The following RPL3L variants were observed in gnomAD, a reference collection of about 807,000 sequenced individuals.
RPL3L encodes the protein ribosomal protein uL3-like.
A neutral mutation model predicts 44.5 loss-of-function variants in RPL3L; 44 were observed. That is an observed-to-expected ratio of 0.99 (90% CI 0.78 to 1.27). RPL3L has a LOEUF of 1.27. Ranked by LOEUF, RPL3L falls within the 50% of genes most tolerant of loss-of-function variation. RPL3L has a pLI of 0.00. For missense variants in RPL3L, 631 were observed against 569.1 expected, an observed-to-expected ratio of 1.11 and a Z score of -1.11; for synonymous variants, 292 against 230.7, an observed-to-expected ratio of 1.27 and a Z score of -2.41.
In RPL3L at chr16:1,947,391, T is replaced by C. The variant is rs781172532; in HGVS notation, c.502-11A>G. On this transcript the variant is annotated splice_polypyrimidine_tract_variant and intron_variant, in intron 4 of 9. Coordinates refer to ENST00000268661, the MANE Select transcript of RPL3L (RefSeq NM_005061.3). ...GGGCAGCAGTTTCATCTGCAGGACA[T>C]GGCCGGAGGTCACGCCACGGCCCAC... 5 of 1,556,520 alleles carry C rather than the reference T, an allele frequency of 3.2e-6. No homozygotes were observed. The South Asian group carries it at 4.7e-5, about 15-fold the overall frequency.
intron 8 of RPL3L, 108 bp downstream of exon 8, chr16:1,945,727 C>T: frequency 4.4e-6 from 7 of 1,601,606 alleles, no homozygotes; most frequent in Non-Finnish European, 6.0e-6. Context: ...CCTACCAGAG[C>T]CCTCCCCTTC....
At chr16:1,950,533 C>T (rs774926090) in intron 4 of RPL3L, among the ~76,000 whole-genome samples, 2 of 152,116 alleles carry the variant, frequency 1.3e-5, no homozygotes, top group South Asian at 2.1e-4. Context: ...TGCACACTTA[C>T]GCTGGAAACC....
Position 1,944,909 on chromosome 16 carries a change from G to T in RPL3L, c.1168-16C>A, listed in dbSNP as rs771731528. The T allele has an allele frequency of 6.2e-7, 1 of 1,605,404 alleles. No homozygotes were observed. The highest frequency in any genetic ancestry group is 8.5e-7 in the Non-Finnish European group (1 of 1,178,432). On this transcript the variant is annotated splice_polypyrimidine_tract_variant and intron_variant, in intron 9 of 9. Transcript: ENST00000268661. The stretch of plus-strand genomic sequence containing the variant: ...TTTGGGGGCCCTGGTTGAGAGGGTG[G>T]TGCAGGAGGAGCCTTAGTCACTCTG...
Position 1,953,965 on chromosome 16 carries a change from G to C in RPL3L, c.187C>G (p.Pro63Ala), listed in dbSNP as rs1030148398. 6 of 1,538,396 alleles carry C rather than the reference G, an allele frequency of 3.9e-6. No homozygotes were observed. Among genetic ancestry groups the C allele is most frequent in the Non-Finnish European group, 5.3e-6 (6 of 1,136,818 alleles). Residue 63 changes from proline to alanine, a missense_variant, in exon 2 of 10, where the codon CCG (proline) becomes GCG (alanine). Pro to Ala is a conservative substitution (Grantham distance 27). Transcript: ENST00000268661. Reference protein sequence around the residue: ...MTHTLREVHRPGLKISKREEV... With the variant: ...MTHTLREVHRAGLKISKREEV... ...CCCAACTGTGACTCACTGAGCCCCG[G>C]CCGGTGCACCTCCCGCAGGGTGTGG...
chr16:1,949,897 T>G (rs1405090886), intron 4 of RPL3L, among the ~76,000 whole-genome samples: 1 of 11,140 alleles, frequency 9.0e-5, no homozygotes, highest in Non-Finnish European at 1.5e-4. Flanking sequence ...GGCAGGTATG[T>G]AGGGGGCAGG....
chr16:1,950,945 A>G lies in RPL3L; in HGVS notation c.400T>C (p.Cys134Arg). ...KSKKKAFTKA[C>R]KRWRDTDGKK... ...CCGTCTGTGTCCCGCCACCTCTTGC[A>G]GGCCTTGGTGAAGGCTTTCTTCTTG... The change falls in exon 4 of 10, where the codon TGC becomes CGC. Residue 134 changes from cysteine to arginine, a missense_variant. Cys to Arg is a radical substitution (Grantham distance 180, BLOSUM62 -3). Transcript: ENST00000268661. The G allele has an allele frequency of 1.2e-6, 2 of 1,613,916 alleles. No homozygotes were observed. Among genetic ancestry groups the G allele is most frequent in the South Asian group, 1.1e-5 (1 of 91,086 alleles).
intron 4 of RPL3L, among the ~76,000 whole-genome samples, chr16:1,948,708 T>G (rs1458200763): frequency 7.1e-6 from 1 of 140,214 alleles, no homozygotes; most frequent in East Asian, 2.0e-4. Context: ...TTGTTTTTTT[T>G]TTGTTTGTTT....
chr16:1,954,635 G>C lies in RPL3L; in HGVS notation c.-4C>G. ...TCACCCTGGTCCCACCAACCATGGT[G>C]GCCGATCCCTGAAGGTCAGGAAGGG... On this transcript the variant is annotated 5_prime_UTR_variant, in exon 1 of 10. Coordinates refer to ENST00000268661, the MANE Select transcript of RPL3L (RefSeq NM_005061.3). The C allele has an allele frequency of 3.9e-6, 6 of 1,549,576 alleles. No homozygotes were observed. Among genetic ancestry groups the C allele is most frequent in the Non-Finnish European group, 5.2e-6 (6 of 1,148,594 alleles).
chr16:1,954,191 G>C (rs1269184204), intron 1 of RPL3L, 43 bp from the exon 2 acceptor site: 2 of 1,494,746 alleles, frequency 1.3e-6, no homozygotes, highest in African/African-American at 1.4e-5. Flanking sequence ...GGGTGTCCCT[G>C]GTGGTAGAGC....
At position 1,954,122 on chromosome 16, in the gene RPL3L, C is replaced by A; in HGVS notation, c.30G>T (p.Arg10=). 2 of 1,594,068 alleles carry A rather than the reference C, an allele frequency of 1.3e-6. No individual in the cohort carries two copies. Among genetic ancestry groups the A allele is most frequent in the Non-Finnish European group, 8.5e-7 (1 of 1,171,014 alleles). The change falls in exon 2 of 10, where the codon CGG becomes CGT. Residue 10 remains arginine, a synonymous_variant. Coordinates refer to ENST00000268661, the MANE Select transcript of RPL3L (RefSeq NM_005061.3). ...GGGGCAGGAAGCCCAGGTGTCCGTG[C>A]CGAGGGGCGGAAAACTTCCGGTGGG... MSHRKFSAP[R]HGHLGFLPHK... is the part of the protein sequence containing the mutation.
chr16:1,952,890 G>C lies in RPL3L; in HGVS notation c.349C>G (p.Arg117Gly). The C allele has an allele frequency of 6.2e-7, 1 of 1,613,850 alleles. No homozygotes were observed. Among genetic ancestry groups the C allele is most frequent in the East Asian group, 2.2e-5 (1 of 44,864 alleles). Residue 117 changes from arginine to glycine, a missense_variant, in exon 3 of 10, where the codon CGA becomes GGA. Arg to Gly is a moderately radical substitution (Grantham distance 125). Coordinates refer to ENST00000268661, the MANE Select transcript of RPL3L (RefSeq NM_005061.3). ...GGTGCTCACCAGTCCTTGTAGAATCGGCGCCGGCACTCATCACTGAGGTGT... is the reference window on the plus strand; with the variant it reads ...GGTGCTCACCAGTCCTTGTAGAATCCGCGCCGGCACTCATCACTGAGGTGT... ...AEHLSDECRRRFYKDWHKSKK... is the reference protein window; with the variant it reads ...AEHLSDECRRGFYKDWHKSKK...
intron 6 of RPL3L, 60 bp from the exon 7 acceptor site, chr16:1,946,786 C>G (rs897846334): frequency 1.3e-6 from 2 of 1,598,028 alleles, no homozygotes; most frequent in Admixed American, 3.3e-5. Context: ...GCAGCCCATC[C>G]AGGCCCATCC....
At position 1,944,196 on chromosome 16, in the gene RPL3L, T is replaced by C. The variant is rs2083102663; in HGVS notation, c.*641A>G. ...GGGGACTAGATTGCATTTTTAGGAC[T>C]AACATTAGCCACAATATTGGGAATT... On this transcript the variant is annotated 3_prime_UTR_variant, in exon 10 of 10. Transcript: ENST00000268661. The C allele has an allele frequency of 6.6e-6, 1 of 152,318 alleles. No individual in the cohort carries two copies. Among genetic ancestry groups the C allele is most frequent in the Non-Finnish European group, 1.5e-5 (1 of 68,142 alleles). 9.4% of individuals were successfully genotyped at this position (152,318 alleles called of 1,614,324 possible).
At position 1,945,939 on chromosome 16, in the gene RPL3L, G is replaced by A; in HGVS notation, c.952-9C>T. On this transcript the variant is annotated splice_polypyrimidine_tract_variant and intron_variant, in intron 7 of 9. Transcript: ENST00000268661. ...TAGTGGGGGAAGCCACCCTGCAGAG[G>A]ACACAGGTCAGAGGCCAGGCCCGGA... 6.2e-7 allele frequency: 1 copy of A among 1,605,492 alleles called. No homozygotes were observed. The highest frequency in any genetic ancestry group is 8.5e-7 in the Non-Finnish European group (1 of 1,175,668).
chr16:1,947,160 CT>C, intron 5 of RPL3L, 33 bp downstream of exon 5: 1 of 1,612,908 alleles, frequency 6.2e-7, no homozygotes, highest in East Asian at 2.2e-5. Flanking sequence ...TCCAGGCAGC[CT>C]GCCCTGGAGC....
chr16:1,954,207 G>A lies in RPL3L; in HGVS notation c.4-59C>T. The A allele has an allele frequency of 2.1e-6, 3 of 1,460,818 alleles. No homozygotes were observed. The South Asian group carries it at 4.2e-5, about 20-fold the overall frequency. 90.5% of individuals were successfully genotyped at this position (1,460,818 alleles called of 1,614,324 possible). ...GGTGTCCCTGGTGGTAGAGCTGGAT[G>A]GTCCCAGAACCCATACCTGGAGAAA... On this transcript the variant is annotated intron_variant, in intron 1 of 9. Coordinates refer to ENST00000268661, the MANE Select transcript of RPL3L (RefSeq NM_005061.3).
intron 2 of RPL3L, among the ~76,000 whole-genome samples, chr16:1,953,488 G>A (rs9933196): frequency 0.032 from 4,807 of 152,270 alleles, 246 homozygotes; most frequent in African/African-American, 0.11. Flanking sequence ...CCAAAGTGCT[G>A]GGATTACAGG....
At chr16:1,954,251 C>A in intron 1 of RPL3L, 103 bp from the exon 2 acceptor site, 2 of 1,234,400 alleles carry the variant, frequency 1.6e-6, no homozygotes, top group Non-Finnish European at 1.1e-6. Flanking sequence ...AGGCTTCAGA[C>A]TGAGGCCTGT....
intron 1 of RPL3L, 151 bp from the exon 2 acceptor site, chr16:1,954,299 G>A (rs2083192449): frequency 1.1e-6 from 1 of 926,968 alleles, no homozygotes; most frequent in South Asian, 2.0e-5. Context: ...GGAGGGGAGA[G>A]GAAGGTTCAC....
Sources: gnomAD v4.1 joint callset for allele counts (sites outside exome capture counted in the v4.1 genomes callset) on GRCh38, gnomAD v4.1.1 for gene constraint, MANE v1.5 for transcripts, NCBI Gene and HGNC (gene_info 2026-07-23, HGNC 2026-07-21) for gene names.